RAPGEF3: variants seen among roughly 807,000 people sequenced by gnomAD.
The protein encoded by RAPGEF3 is Rap guanine nucleotide exchange factor 3, also known as 9330170P05Rik.
RAPGEF3 carries 103 observed loss-of-function variants against 129.8 expected under a neutral mutation model. The ratio of observed to expected loss-of-function variants is 0.79; its 90% CI spans 0.68 to 0.93. The LOEUF is 0.93. RAPGEF3 is among the 40% of genes least tolerant of loss of function. The pLI is 0.00. For missense variants in RAPGEF3, 1,117 were observed against 1,207.4 expected (o/e 0.93, Z 1.11); for synonymous variants, 436 against 482.6 (o/e 0.90, Z 1.26).
intron 23 of RAPGEF3, 84 bp downstream of exon 23, chr12:47,740,057 A>C: frequency 6.9e-7 from 1 of 1,459,318 alleles, no homozygotes; most frequent in South Asian, 1.2e-5. Context: ...GGCTGCAGGG[A>C]AGCCAAGAGT....
rs202109036 is a variant in RAPGEF3 at position 47,743,658 on chromosome 12, C to G, written c.1697G>C (p.Arg566Pro). ...VGDKVPYDIC[R>P]PDHSVLTLQL... ...CAGGGTCAACACTGAGTGGTCTGGCCGGCAGATGTCATAGGGGACTGAAGA... is the reference window on the plus strand; with the variant it reads ...CAGGGTCAACACTGAGTGGTCTGGCGGGCAGATGTCATAGGGGACTGAAGA... Residue 566 changes from arginine (R) to proline (P), a missense_variant, in exon 18 of 28, where the codon CGG (arginine) becomes CCG (proline). Arg to Pro is a moderately radical substitution (Grantham distance 103). Coordinates refer to ENST00000449771, the MANE Select transcript of RAPGEF3 (RefSeq NM_001098531.4). 1.2e-6 allele frequency: 2 copies of G among 1,609,588 alleles called. No homozygotes were observed. The highest frequency in any genetic ancestry group is 2.2e-5 in the South Asian group (2 of 90,952).
rs570818326 is a variant in RAPGEF3 at position 47,739,643 on chromosome 12, A to G, written c.2374-413T>C. On this transcript the variant is annotated intron_variant, in intron 23 of 27. Coordinates refer to ENST00000449771, the MANE Select transcript of RAPGEF3 (RefSeq NM_001098531.4). ...TACCTCTTCTCTGCTTCTCTCCAGA[A>G]TAGTCAAAACCCTCAAAATCCTCAA... is the stretch of plus-strand genomic sequence containing the variant. 2.8e-4 allele frequency: 110 copies of G among 388,120 alleles called. 1 individual carries two copies. Among genetic ancestry groups the G allele is most frequent in the Non-Finnish European group, 4.1e-4 (84 of 205,008 alleles). The allele number at this position is 388,120 out of a possible 1,614,324, so 24.0% of individuals were successfully genotyped here. A position where few individuals can be genotyped will look rare whatever the true frequency, so the allele number is the denominator to read the frequency against.
In RAPGEF3 at chr12:47,748,546, G is replaced by A. The variant is rs1941567346; in HGVS notation, c.1155-4C>T. On this transcript the variant is annotated splice_polypyrimidine_tract_variant and splice_region_variant and intron_variant, in intron 11 of 27. Transcript: ENST00000449771. ...GGTGCCAGACATCACTGTATACCTA[G>A]CAGAAATGGCCAATCTTTGGCACTG... 1.4e-5 allele frequency: 23 copies of A among 1,612,122 alleles called. No individual in the cohort carries two copies. Among genetic ancestry groups the A allele is most frequent in the Non-Finnish European group, 2.0e-5 (23 of 1,178,620 alleles).
chr12:47,749,294 G>A lies in RAPGEF3; in HGVS notation c.1041+96C>T. ...TAGCCCAGCATCTCTTACCTGCCCT[G>A]CTTCTTACAGGCCCTCTGCTCTGGT... is the stretch of plus-strand genomic sequence containing the variant. On this transcript the variant is annotated intron_variant, in intron 10 of 27. Coordinates refer to ENST00000449771, the MANE Select transcript of RAPGEF3 (RefSeq NM_001098531.4). This position sits in a 1 kb window ranked among gnomAD's most constrained non-coding sequence, Gnocchi z 4.5. 6.8e-7 allele frequency: 1 copy of A among 1,460,940 alleles called. No individual in the cohort carries two copies. Among genetic ancestry groups the A allele is most frequent in the Non-Finnish European group, 9.4e-7 (1 of 1,061,498 alleles). 90.5% of individuals were successfully genotyped at this position (1,460,940 alleles called of 1,614,324 possible). A position where few individuals can be genotyped will look rare whatever the true frequency, so the allele number is the denominator to read the frequency against.
At chr12:47,747,144 C>T (rs1377956387) in intron 15 of RAPGEF3, among the ~76,000 whole-genome samples, 1 of 152,150 alleles carries the variant, frequency 6.6e-6, no homozygotes, top group African/African-American at 2.4e-5. Context: ...GGTTTCAGAT[C>T]AAGTGCTGTT....
chr12:47,752,290 A>G (rs1941801791), intron 2 of RAPGEF3, among the ~76,000 whole-genome samples: 2 of 152,318 alleles, frequency 1.3e-5, no homozygotes, highest in South Asian at 2.1e-4. Flanking sequence ...GTTGGGGGAA[A>G]GAAGTGAGGG....
In RAPGEF3 at chr12:47,740,989, C is replaced by T; in HGVS notation, c.1975G>A (p.Asp659Asn). Reference protein sequence around the residue: ...GPTVGSAEGLDLVSAKDLAGQ... With the variant: ...GPTVGSAEGLNLVSAKDLAGQ... ...GCCAGGTCCTTGGCACTCACCAGGTCCAGCCCCTCAGCAGAGCCCACAGTG... is the reference window on the plus strand; with the variant it reads ...GCCAGGTCCTTGGCACTCACCAGGTTCAGCCCCTCAGCAGAGCCCACAGTG... The change falls in exon 20 of 28, where the codon GAC (aspartate) becomes AAC (asparagine). Residue 659 changes from aspartate to asparagine, a missense_variant. Physicochemically the swap from Asp to Asn is conservative, Grantham distance 23 (BLOSUM62 1). Around this residue, in one of 3 missense-constraint regions of RAPGEF3, gnomAD observed 643 missense variants for 673.4 expected, o/e 0.95. Coordinates refer to ENST00000449771, the MANE Select transcript of RAPGEF3 (RefSeq NM_001098531.4). 6.2e-7 allele frequency: 1 copy of T among 1,613,414 alleles called. No individual in the cohort carries two copies. The highest frequency in any genetic ancestry group is 8.5e-7 in the Non-Finnish European group (1 of 1,179,818).
rs1445766750 is a variant in RAPGEF3, at chr12:47,740,678, G to A, written c.2195C>T (p.Ala732Val). 6.2e-7 allele frequency: 1 copy of A among 1,613,810 alleles called. No individual in the cohort carries two copies. Among genetic ancestry groups the A allele is most frequent in the Non-Finnish European group, 8.5e-7 (1 of 1,179,942 alleles). ...LCLCPVPGPR[A>V]QLLRKFIKLA... ...CTTAATGAACTTCCTGAGCAGCTGGGCCCGGGGGCCGGGCACGGGGCAGAG... is the reference window on the plus strand; with the variant it reads ...CTTAATGAACTTCCTGAGCAGCTGGACCCGGGGGCCGGGCACGGGGCAGAG... Residue 732 changes from alanine to valine, a missense_variant, in exon 21 of 28, where the codon GCC (alanine) becomes GTC (valine). Around this residue, in one of 3 missense-constraint regions of RAPGEF3, gnomAD observed 643 missense variants for 673.4 expected, o/e 0.95. Coordinates refer to ENST00000449771, the MANE Select transcript of RAPGEF3 (RefSeq NM_001098531.4).
chr12:47,739,364 G>A, intron 23 of RAPGEF3, 134 bp from the exon 24 acceptor site: 1 of 747,562 alleles, frequency 1.3e-6, no homozygotes, highest in Non-Finnish European at 2.4e-6. Flanking sequence ...TCAGCCCCAG[G>A]TCTCACCCAG....
At chr12:47,751,638 A>C (rs900157986) in intron 4 of RAPGEF3, 85 bp downstream of exon 4, 1 of 1,598,686 alleles carries the variant, frequency 6.3e-7, no homozygotes. Context: ...TGCTAGAAGC[A>C]GGGTGAGGCC....
Position 47,749,068 on chromosome 12 carries a change from T to C in RAPGEF3, c.1042-137A>G. On this transcript the variant is annotated intron_variant, in intron 10 of 27. Coordinates refer to ENST00000449771, the MANE Select transcript of RAPGEF3 (RefSeq NM_001098531.4). This position sits in a 1 kb window ranked among gnomAD's most constrained non-coding sequence, Gnocchi z 4.5. Reference sequence around the variant, plus strand: ...ACAGCCCTTCTCCCACCTCCGACTTTGGCTCCACCTCCTCAGCCTTCCCTA... The same window carrying C: ...ACAGCCCTTCTCCCACCTCCGACTTCGGCTCCACCTCCTCAGCCTTCCCTA... The C allele has an allele frequency of 5.5e-6, 4 of 730,842 alleles. No homozygotes were observed. The highest frequency in any genetic ancestry group is 9.2e-6 in the Non-Finnish European group (4 of 434,714). The allele number at this position is 730,842 out of a possible 1,614,324, so 45.3% of individuals were successfully genotyped here.
chr12:47,737,919 C>G, intron 27 of RAPGEF3, 103 bp downstream of exon 27: 1 of 1,415,696 alleles, frequency 7.1e-7, no homozygotes, highest in Admixed American at 1.8e-5. Context: ...ATGGAAGGGC[C>G]GGGCTCCGTG....
chr12:47,758,669 AG>A lies in RAPGEF3; in HGVS notation c.-114del. On this transcript the variant is annotated 5_prime_UTR_variant, in exon 1 of 28. Coordinates refer to ENST00000449771, the MANE Select transcript of RAPGEF3 (RefSeq NM_001098531.4). ...CCGGAGGGTGCCAGTGGGTAAGTCCAGGTACAGTGAACTGGGCCAGTGCCTA... is the reference window on the plus strand; with the variant it reads ...CCGGAGGGTGCCAGTGGGTAAGTCCAGTACAGTGAACTGGGCCAGTGCCTA... The A allele has an allele frequency of 6.5e-7, 1 of 1,545,276 alleles. No individual in the cohort carries two copies. The highest frequency in any genetic ancestry group is 8.7e-7 in the Non-Finnish European group (1 of 1,143,242).
At chr12:47,741,652 G>C in intron 18 of RAPGEF3, 50 bp from the exon 19 acceptor site, 1 of 1,462,980 alleles carries the variant, frequency 6.8e-7, no homozygotes, top group East Asian at 2.3e-5. Flanking sequence ...GGGAGGCCGG[G>C]GACCAGCTGG....
Position 47,738,248 on chromosome 12 carries a change from C to A in RAPGEF3, c.2527-1G>T. The A allele has an allele frequency of 6.2e-7, 1 of 1,613,272 alleles. No homozygotes were observed. The highest frequency in any genetic ancestry group is 8.5e-7 in the Non-Finnish European group (1 of 1,179,988). ...TCCGCGCGGCTCTGGCCATCATTCT[C>A]TGCGGACAACACCGGGGCATAAGCT... On this transcript the variant is annotated splice_acceptor_variant, in intron 25 of 27. Transcript: ENST00000449771. LOFTEE classifies it high-confidence loss of function.
rs547271430 is a variant in RAPGEF3 at position 47,751,171 on chromosome 12, C to T, written c.548G>A (p.Arg183Gln). 27 of 1,554,618 alleles carry T rather than the reference C, an allele frequency of 1.7e-5. No individual in the cohort carries two copies. The highest frequency in any genetic ancestry group is 1.7e-4 in the Middle Eastern group (1 of 5,990). ...AFQDRDAQFY[R>Q]FPGPEPEPVR... ...GGGCTCGGGCTCGGGCCCGGGGAAC[C>T]GGTAGAATTGGGCATCTCGGTCCTG... is the stretch of plus-strand genomic sequence containing the variant. The change falls in exon 6 of 28, where the codon CGG becomes CAG. Residue 183 changes from arginine (R) to glutamine (Q), a missense_variant. Around this residue, in one of 3 missense-constraint regions of RAPGEF3, gnomAD observed 367 missense variants for 373.4 expected, o/e 0.98. Transcript: ENST00000449771.
At chr12:47,757,661 CACACACACAG>C (rs748304717) in intron 2 of RAPGEF3, among the ~76,000 whole-genome samples, 195 bp downstream of exon 2, 2 of 152,148 alleles carry the variant, frequency 1.3e-5, no homozygotes, top group Non-Finnish European at 1.5e-5. Context: ...TTGGGCAGAA[CACACACACAG>C]ACACACACAC....
At chr12:47,739,293 A>G in intron 23 of RAPGEF3, 63 bp from the exon 24 acceptor site, 4 of 1,314,412 alleles carry the variant, frequency 3.0e-6, no homozygotes, top group East Asian at 4.7e-5. Flanking sequence ...ACCCCACCCA[A>G]CCAAGGAGGG....
At position 47,757,987 on chromosome 12, in the gene RAPGEF3, T is replaced by C. The variant is rs770647967; in HGVS notation, c.98A>G (p.Asp33Gly). Residue 33 changes from aspartate to glycine, a missense_variant, in exon 2 of 28, where the codon GAC becomes GGC. Asp to Gly is a moderately conservative substitution (Grantham distance 94). Around this residue, in one of 3 missense-constraint regions of RAPGEF3, gnomAD observed 367 missense variants for 373.4 expected, o/e 0.98. Transcript: ENST00000449771. ...LGAPRVGALP[D>G]VVPEGTLLNM... ...GAGTAGTGTCCCCTCCGGCACCACG[T>C]CAGGGAGGGCTCCCACCCGCGGTGC... 2 of 1,570,750 alleles carry C rather than the reference T, an allele frequency of 1.3e-6. No homozygotes were observed. The highest frequency in any genetic ancestry group is 1.7e-6 in the Non-Finnish European group (2 of 1,157,550).
Sources: gnomAD v4.1 joint callset for allele counts (sites outside exome capture counted in the v4.1 genomes callset) on GRCh38, gnomAD v4.1.1 for gene constraint, gnomAD v4.1.1 regional missense constraint, Gnocchi (gnomAD v3.1) non-coding constraint, MANE v1.5 for transcripts, NCBI Gene and HGNC (gene_info 2026-07-23, HGNC 2026-07-21) for gene names.